Variants in SOAT1 observed in about 807,000 individuals in gnomAD.
SOAT1 encodes the protein sterol O-acyltransferase 1, also known as acyl-coenzyme A:cholesterol acyltransferase 1.
SOAT1 carries 55 observed loss-of-function variants against 69.5 expected under a neutral mutation model. The ratio of observed to expected loss-of-function variants is 0.79; its 90% CI spans 0.64 to 0.99. The LOEUF is 0.99. SOAT1 is among the 50% of genes least tolerant of loss of function. The pLI is 0.00. For missense variants in SOAT1, 580 were observed against 669.3 expected, an observed-to-expected ratio of 0.87 and a Z score of 1.47; for synonymous variants, 231 against 224.7, an observed-to-expected ratio of 1.03 and a Z score of -0.25.
intron 2 of SOAT1, among the ~76,000 whole-genome samples, chr1:179,314,265 A>G (rs983731155): frequency 2.0e-5 from 3 of 152,128 alleles, no homozygotes; most frequent in African/African-American, 7.2e-5. Flanking sequence ...CCCTGCATGT[A>G]TTGGGTCCTC....
chr1:179,344,697 G>A (rs1278740796), intron 10 of SOAT1, among the ~76,000 whole-genome samples: 1 of 152,104 alleles, frequency 6.6e-6, no homozygotes, highest in Admixed American at 6.6e-5. Flanking sequence ...TAAGCAGCAG[G>A]AAAACAGGTT....
intron 2 of SOAT1, among the ~76,000 whole-genome samples, chr1:179,318,104 A>G (rs916522918): frequency 6.6e-6 from 1 of 151,984 alleles, no homozygotes; most frequent in Non-Finnish European, 1.5e-5. Flanking sequence ...CTGATGCAGG[A>G]GGATCACTTG....
intron 4 of SOAT1, 134 bp downstream of exon 4, chr1:179,335,791 G>T: frequency 2.6e-6 from 2 of 761,358 alleles, no homozygotes; most frequent in East Asian, 2.7e-5. Context: ...CATTGGGAAA[G>T]TTACTTAACC....
intron 13 of SOAT1, among the ~76,000 whole-genome samples, 161 bp from the exon 14 acceptor site, chr1:179,350,135 T>C (rs1404549158): frequency 6.6e-6 from 1 of 152,228 alleles, no homozygotes; most frequent in East Asian, 1.9e-4. Flanking sequence ...TGTATATGAT[T>C]TGTAGTTATT....
intron 2 of SOAT1, among the ~76,000 whole-genome samples, chr1:179,319,923 C>T (rs1250353420): frequency 6.6e-6 from 1 of 151,946 alleles, no homozygotes; most frequent in Non-Finnish European, 1.5e-5. Context: ...GCCTATTTGT[C>T]TTTTTAATGT....
At chr1:179,316,640 G>A (rs2124954688) in intron 2 of SOAT1, among the ~76,000 whole-genome samples, 1 of 152,262 alleles carries the variant, frequency 6.6e-6, no homozygotes, top group Admixed American at 6.5e-5. Flanking sequence ...TGATCCACCT[G>A]CCTTGGCTTC....
intron 2 of SOAT1, among the ~76,000 whole-genome samples, chr1:179,310,189 C>T (rs530396708): frequency 1.4e-5 from 2 of 147,954 alleles, no homozygotes; most frequent in African/African-American, 4.9e-5. Flanking sequence ...CATGAGCCAC[C>T]ACGCCTGGCT....
chr1:179,343,849 G>A (rs566791235), intron 10 of SOAT1, among the ~76,000 whole-genome samples: 5 of 152,300 alleles, frequency 3.3e-5, no homozygotes, highest in Admixed American at 6.5e-5. Flanking sequence ...TAGGCTGGGC[G>A]CAGTGGCTTG....
intron 4 of SOAT1, among the ~76,000 whole-genome samples, chr1:179,337,194 T>C (rs1666189338): frequency 6.6e-6 from 1 of 152,208 alleles, no homozygotes; most frequent in African/African-American, 2.4e-5. Flanking sequence ...AGGCATAGAC[T>C]GATGTTCTGG....
At chr1:179,298,552 C>T (rs1445693483) in intron 1 of SOAT1, among the ~76,000 whole-genome samples, 2 of 151,906 alleles carry the variant, frequency 1.3e-5, no homozygotes, top group South Asian at 2.1e-4. Flanking sequence ...CTGCAACCTT[C>T]GCCTCCTGGG....
chr1:179,323,045 CT>C (rs36045111), intron 2 of SOAT1, among the ~76,000 whole-genome samples: 178 of 126,700 alleles, frequency 1.4e-3, no homozygotes, highest in Admixed American at 2.3e-3. Context: ...TCTTTTCTTT[CT>C]TTTTTTTTTT....
At chr1:179,317,310 G>T (rs952939790) in intron 2 of SOAT1, among the ~76,000 whole-genome samples, 3 of 152,152 alleles carry the variant, frequency 2.0e-5, no homozygotes, top group African/African-American at 7.2e-5. Context: ...GAGGCGGGCG[G>T]ATCACGAGGT....
intron 1 of SOAT1, among the ~76,000 whole-genome samples, chr1:179,296,705 T>C (rs1664659807): frequency 6.6e-6 from 1 of 152,210 alleles, no homozygotes; most frequent in Non-Finnish European, 1.5e-5. Flanking sequence ...GTGTCCCCTT[T>C]CCACCACTGA....
chr1:179,335,881 G>A (rs1346732634), intron 4 of SOAT1, among the ~76,000 whole-genome samples: 1 of 152,084 alleles, frequency 6.6e-6, no homozygotes, highest in African/African-American at 2.4e-5. Context: ...CACTAATGCC[G>A]GGCACAGTGG....
chr1:179,335,684 G>A (rs759174841), intron 4 of SOAT1, 27 bp downstream of exon 4: 2 of 1,601,756 alleles, frequency 1.2e-6, no homozygotes, highest in Admixed American at 1.7e-5. Flanking sequence ...TTCTTTTAAT[G>A]CAAACATCTA....
intron 2 of SOAT1, among the ~76,000 whole-genome samples, chr1:179,312,049 A>G (rs1414578213): frequency 6.6e-6 from 1 of 152,242 alleles, no homozygotes; most frequent in Non-Finnish European, 1.5e-5. Context: ...ATTTGGTACC[A>G]AAACTGAACA....
At chr1:179,294,963 G>A (rs941994468) in intron 1 of SOAT1, among the ~76,000 whole-genome samples, 1 of 150,518 alleles carries the variant, frequency 6.6e-6, no homozygotes, top group Non-Finnish European at 1.5e-5. Flanking sequence ...CTTTTTAAAA[G>A]TTGGGCGGTG....
In SOAT1 at chr1:179,349,329, C is replaced by CTTTTT. The variant is rs10670085; in HGVS notation, c.1314+400_1314+404dup. On this transcript the variant is annotated intron_variant, in intron 13 of 15. Transcript: ENST00000367619. ...TTTCATGGTTAAAGGTAGAGAAACA[C>CTTTTT]TTTTTTTTTTTTTTTTTGAGAGAGT... Among the ~76,000 whole-genome samples, 156 of 125,826 alleles carry CTTTTT rather than the reference C, an allele frequency of 1.2e-3. 4 individuals carry two copies. Among genetic ancestry groups the CTTTTT allele is most frequent in the Non-Finnish European group, 1.6e-3 (98 of 62,650 alleles). 82.5% of individuals were successfully genotyped at this position (125,826 alleles called of 152,430 possible). A position where few individuals can be genotyped will look rare whatever the true frequency, so the allele number is the denominator to read the frequency against.
rs11461908 is a variant in SOAT1 at position 179,306,830 on chromosome 1, C to CAA, written c.118+4047_118+4048dup. 9.0e-3 allele frequency among the ~76,000 whole-genome samples: 868 copies of CAA among 96,310 alleles called. 36 individuals are homozygous for CAA. Among genetic ancestry groups the CAA allele is most frequent in the African/African-American group, 0.029 (621 of 21,676 alleles). The allele number at this position is 96,310 out of a possible 152,430, so 63.2% of individuals were successfully genotyped here. ...TGGGCAACAGTGTGAGACTCCATCT[C>CAA]AAAAAAAAAAAAAAAAAAAAGCAGC... On this transcript the variant is annotated intron_variant, in intron 2 of 15. Coordinates refer to ENST00000367619, the MANE Select transcript of SOAT1 (RefSeq NM_003101.6).
Sources: allele counts gnomAD v4.1 joint callset (sites outside exome capture counted in the v4.1 genomes callset), GRCh38; gene constraint gnomAD v4.1.1; transcripts MANE v1.5; gene names NCBI Gene and HGNC (gene_info 2026-07-23, HGNC 2026-07-21).